Variants in TCF7L1 observed in about 807,000 individuals in gnomAD.
TCF7L1 encodes the protein transcription factor 7 like 1.
Under a neutral mutation model 63.7 loss-of-function variants are expected in TCF7L1, and 18 were observed. That is an observed-to-expected ratio of 0.28 (90% CI 0.20 to 0.42). TCF7L1 has a LOEUF of 0.42. TCF7L1 is among the 10% of genes least tolerant of loss of function. The pLI is 1.00. For missense variants in TCF7L1, 654 were observed against 779.3 expected (o/e 0.84, Z 1.91); for synonymous variants, 355 against 340.9 (o/e 1.04, Z -0.46).
intron 3 of TCF7L1, among the ~76,000 whole-genome samples, chr2:85,215,341 T>C (rs1282110130): frequency 6.6e-6 from 1 of 152,192 alleles, no homozygotes; most frequent in African/African-American, 2.4e-5. Flanking sequence ...TATCACGAAA[T>C]TGTGCAGCGT....
chr2:85,175,386 A>G (rs1407108591), intron 3 of TCF7L1, among the ~76,000 whole-genome samples: 2 of 152,238 alleles, frequency 1.3e-5, no homozygotes, highest in African/African-American at 4.8e-5. Context: ...CTAGCTGTGT[A>G]AATTCCACAG....
chr2:85,301,245 C>T (rs1314766564), intron 4 of TCF7L1, among the ~76,000 whole-genome samples: 1 of 152,190 alleles, frequency 6.6e-6, no homozygotes, highest in African/African-American at 2.4e-5. Flanking sequence ...TTATTAGAGC[C>T]ATAAACAGCT....
chr2:85,153,340 A>ATGTTTTTTTTTTTTTTTTTTTTTTTTTT (rs750002994), intron 3 of TCF7L1, among the ~76,000 whole-genome samples: 15 of 102,270 alleles, frequency 1.5e-4, no homozygotes, highest in Admixed American at 2.4e-4. Context: ...GCCTTTATAA[A>ATGTTTTTTTTTTTTTTTTTTTTTTTTTT]TTTTTTTTTT....
At chr2:85,241,041 T>C (rs1680308959) in intron 3 of TCF7L1, among the ~76,000 whole-genome samples, 1 of 152,202 alleles carries the variant, frequency 6.6e-6, no homozygotes, top group African/African-American at 2.4e-5. Flanking sequence ...GCTGGAGGGT[T>C]TAAATTCATT....
rs116093527 is a variant in TCF7L1 at position 85,173,136 on chromosome 2, A to G, written c.441+38686A>G. 5.8e-3 allele frequency among the ~76,000 whole-genome samples: 878 copies of G among 152,362 alleles called. 10 individuals are homozygous for G. Among genetic ancestry groups the G allele is most frequent in the African/African-American group, 0.02 (831 of 41,576 alleles). ...GAGAAAAGTTAAACTTGCCAAATAA[A>G]TATTCCTTTCAAAAGGAAAATGAAG... is the stretch of plus-strand genomic sequence containing the variant. On this transcript the variant is annotated intron_variant, in intron 3 of 11. Transcript: ENST00000282111.
chr2:85,248,560 G>A (rs867140665), intron 3 of TCF7L1, among the ~76,000 whole-genome samples: 1 of 152,174 alleles, frequency 6.6e-6, no homozygotes, highest in Non-Finnish European at 1.5e-5. Context: ...TACATTTGCA[G>A]AGGAGAAATG....
intron 4 of TCF7L1, among the ~76,000 whole-genome samples, chr2:85,294,283 G>A (rs968633305): frequency 6.6e-6 from 1 of 152,010 alleles, no homozygotes; most frequent in Non-Finnish European, 1.5e-5. Context: ...TGACGTGCCC[G>A]CCTCGGCCTC....
intron 3 of TCF7L1, among the ~76,000 whole-genome samples, chr2:85,226,628 T>C (rs1679957187): frequency 1.3e-5 from 2 of 152,094 alleles, no homozygotes; most frequent in South Asian, 4.1e-4. Flanking sequence ...CACCCAAACT[T>C]GGTGACTTCA....
At chr2:85,178,116 T>C (rs1486683026) in intron 3 of TCF7L1, among the ~76,000 whole-genome samples, 1 of 151,962 alleles carries the variant, frequency 6.6e-6, no homozygotes, top group Non-Finnish European at 1.5e-5. Flanking sequence ...TGGTATGAGG[T>C]AGGGCTACAC....
chr2:85,250,290 A>C (rs72840017), intron 3 of TCF7L1, among the ~76,000 whole-genome samples: 7,996 of 152,270 alleles, frequency 0.053, 292 homozygotes, highest in Non-Finnish European at 0.078. Flanking sequence ...CTGGTCCACT[A>C]CTGGAAGGCA....
At chr2:85,150,242 T>C (rs1231178462) in intron 3 of TCF7L1, among the ~76,000 whole-genome samples, 1 of 151,914 alleles carries the variant, frequency 6.6e-6, no homozygotes, top group Non-Finnish European at 1.5e-5. Flanking sequence ...GACTCTTTTT[T>C]TTTTTTTTTG....
chr2:85,282,011 A>G (rs1681431490), intron 3 of TCF7L1, among the ~76,000 whole-genome samples: 1 of 151,852 alleles, frequency 6.6e-6, no homozygotes, highest in Admixed American at 6.6e-5. Flanking sequence ...TTTTTGAGAT[A>G]AAGTCTCACT....
chr2:85,237,360 C>A (rs1208666266), intron 3 of TCF7L1, among the ~76,000 whole-genome samples: 1 of 151,946 alleles, frequency 6.6e-6, no homozygotes, highest in Non-Finnish European at 1.5e-5. Context: ...AACTGTGGCC[C>A]CTGATTGGAG....
At chr2:85,162,760 G>C (rs1678321689) in intron 3 of TCF7L1, among the ~76,000 whole-genome samples, 1 of 152,180 alleles carries the variant, frequency 6.6e-6, no homozygotes, top group Non-Finnish European at 1.5e-5. Context: ...TCTGGAATGA[G>C]ACTGAGCTTC....
intron 3 of TCF7L1, among the ~76,000 whole-genome samples, chr2:85,229,341 G>A (rs183592119): frequency 4.6e-5 from 7 of 152,210 alleles, no homozygotes; most frequent in African/African-American, 9.6e-5. Flanking sequence ...GCGAGACTCC[G>A]TCTCAAAAAA....
Position 85,171,926 on chromosome 2 carries a change from C to G in TCF7L1, c.441+37476C>G, listed in dbSNP as rs1357922519. ...GTGATAACCATTCCCATCTTCCCCC[C>G]TCCCCCCACACTGCCCTAAACACAT... On this transcript the variant is annotated intron_variant, in intron 3 of 11. Coordinates refer to ENST00000282111, the MANE Select transcript of TCF7L1 (RefSeq NM_031283.3). 2.6e-5 allele frequency among the ~76,000 whole-genome samples: 4 copies of G among 152,078 alleles called. No individual in the cohort carries two copies. In the East Asian group the frequency reaches 5.8e-4, roughly 22 times the overall value.
chr2:85,175,266 C>T (rs996047436), intron 3 of TCF7L1, among the ~76,000 whole-genome samples: 9 of 152,176 alleles, frequency 5.9e-5, no homozygotes, highest in Admixed American at 5.2e-4. Flanking sequence ...TTTACCACCC[C>T]CTGCCCCCAC....
intron 3 of TCF7L1, among the ~76,000 whole-genome samples, chr2:85,221,327 T>C (rs549573409): frequency 2.6e-4 from 40 of 152,232 alleles, no homozygotes; most frequent in African/African-American, 9.4e-4. Context: ...TTGAGGAAAG[T>C]TTTTCTTTAC....
intron 3 of TCF7L1, among the ~76,000 whole-genome samples, chr2:85,212,147 A>G (rs1167752073): frequency 6.6e-6 from 1 of 150,814 alleles, no homozygotes; most frequent in Non-Finnish European, 1.5e-5. Context: ...TCAAAAAATC[A>G]GGAGGTATGG....
Sources: gnomAD v4.1 joint callset for allele counts (sites outside exome capture counted in the v4.1 genomes callset) on GRCh38, gnomAD v4.1.1 for gene constraint, MANE v1.5 for transcripts, NCBI Gene and HGNC (gene_info 2026-07-23, HGNC 2026-07-21) for gene names.